Variants in OLA1 observed in about 807,000 individuals in gnomAD.
OLA1 encodes obg-like ATPase 1.
OLA1 carries 14 observed loss-of-function variants against 48.4 expected under a neutral mutation model. The ratio of observed to expected loss-of-function variants is 0.29; its 90% CI spans 0.19 to 0.45. The LOEUF (loss-of-function observed/expected upper bound fraction) is 0.45, where lower values mean the gene tolerates loss of function less well. OLA1 is among the 20% of genes least tolerant of loss of function. The pLI, the probability that OLA1 is intolerant of heterozygous loss-of-function variation, is 1.00. For synonymous variants in OLA1, 127 were observed against 150.4 expected (o/e 0.84, Z 1.14); for missense variants, 325 against 467.1 (o/e 0.70, Z 2.80).
At chr2:174,247,788 T>C (rs1193582547) in intron 1 of OLA1, 3 of 1,550,222 alleles carry the variant, frequency 1.9e-6, no homozygotes, top group Non-Finnish European at 2.6e-6. Flanking sequence ...AATGGTAAAT[T>C]AATCGACGGA....
At chr2:174,199,361 T>C (rs928697504) in intron 4 of OLA1, among the ~76,000 whole-genome samples, 4 of 152,152 alleles carry the variant, frequency 2.6e-5, no homozygotes, top group African/African-American at 4.8e-5. Flanking sequence ...CCCAATTCCC[T>C]GAATTACACA....
intron 2 of OLA1, among the ~76,000 whole-genome samples, chr2:174,236,378 T>C (rs1688851730): frequency 6.6e-6 from 1 of 151,978 alleles, no homozygotes; most frequent in Admixed American, 6.6e-5. Context: ...GATACAATAT[T>C]TGAAATAAAA....
intron 4 of OLA1, among the ~76,000 whole-genome samples, chr2:174,169,274 G>C (rs576169444): frequency 2.8e-3 from 420 of 152,138 alleles, no homozygotes; most frequent in Non-Finnish European, 4.6e-3. Flanking sequence ...AGTCCTAAAA[G>C]GAGAGGGGAA....
intron 7 of OLA1, among the ~76,000 whole-genome samples, chr2:174,085,321 C>T (rs761706356): frequency 1.1e-4 from 17 of 152,194 alleles, no homozygotes; most frequent in Non-Finnish European, 2.2e-4. Flanking sequence ...GAGTGGGGAA[C>T]GAGCATCACC....
intron 9 of OLA1, among the ~76,000 whole-genome samples, chr2:174,080,692 T>C (rs1486679224): frequency 6.6e-6 from 1 of 152,104 alleles, no homozygotes; most frequent in African/African-American, 2.4e-5. Flanking sequence ...AGCCCAACTG[T>C]GTATCTATGA....
intron 4 of OLA1, among the ~76,000 whole-genome samples, chr2:174,155,756 A>G (rs1172647461): frequency 6.6e-6 from 1 of 152,256 alleles, no homozygotes; most frequent in Non-Finnish European, 1.5e-5. Context: ...GAAAAAAGAC[A>G]GACCGAGAGA....
chr2:174,158,919 A>C (rs1686950509), intron 4 of OLA1, among the ~76,000 whole-genome samples: 2 of 152,144 alleles, frequency 1.3e-5, no homozygotes, highest in Admixed American at 6.5e-5. Context: ...ATTTCCATCT[A>C]ATCCCCCCAC....
At chr2:174,211,912 T>C (rs1448761295) in intron 4 of OLA1, among the ~76,000 whole-genome samples, 1 of 152,230 alleles carries the variant, frequency 6.6e-6, no homozygotes, top group African/African-American at 2.4e-5. Flanking sequence ...TTAACTTTTT[T>C]AATGTGGCTA....
chr2:174,082,878 A>G (rs1684888948), intron 7 of OLA1, among the ~76,000 whole-genome samples: 1 of 152,136 alleles, frequency 6.6e-6, no homozygotes, highest in East Asian at 1.9e-4. Context: ...GAATATATTA[A>G]TTAGGTTCAG....
chr2:174,156,070 G>A (rs1251802533), intron 4 of OLA1, among the ~76,000 whole-genome samples: 2 of 152,150 alleles, frequency 1.3e-5, no homozygotes, highest in South Asian at 2.1e-4. Flanking sequence ...GAGTGATAAT[G>A]TATGTAAACA....
intron 7 of OLA1, among the ~76,000 whole-genome samples, chr2:174,118,815 T>C (rs1685843597): frequency 6.6e-6 from 1 of 152,278 alleles, no homozygotes; most frequent in African/African-American, 2.4e-5. Flanking sequence ...ATAGAAATCA[T>C]TGGCTATAAA....
chr2:174,144,754 A>G (rs1249264538), intron 4 of OLA1, among the ~76,000 whole-genome samples: 1 of 150,866 alleles, frequency 6.6e-6, no homozygotes, highest in African/African-American at 2.4e-5. Flanking sequence ...GGAGTTTGAG[A>G]TCAGCCTAGG....
chr2:174,197,498 G>A (rs990469945), intron 4 of OLA1, among the ~76,000 whole-genome samples: 1 of 151,984 alleles, frequency 6.6e-6, no homozygotes, highest in South Asian at 2.1e-4. Context: ...CTGAAACATA[G>A]GTACTCGCTC....
chr2:174,090,100 C>G (rs1387591052), intron 7 of OLA1, among the ~76,000 whole-genome samples: 1 of 152,072 alleles, frequency 6.6e-6, no homozygotes, highest in Non-Finnish European at 1.5e-5. Context: ...ATGAGAACCT[C>G]ACAGAACTAC....
At chr2:174,129,432 T>A (rs1686124912) in intron 5 of OLA1, among the ~76,000 whole-genome samples, 1 of 151,162 alleles carries the variant, frequency 6.6e-6, no homozygotes, top group African/African-American at 2.4e-5. Context: ...CACTCCAGCC[T>A]GGGCAACACA....
intron 7 of OLA1, among the ~76,000 whole-genome samples, chr2:174,095,325 GTTTTTTTTTTTTTTTTT>G (rs1205716344): frequency 4.7e-4 from 37 of 77,998 alleles, no homozygotes; most frequent in African/African-American, 1.8e-3. Context: ...GTTATTTCCT[GTTTTTTTTTTTTTTTTT>G]TTTTTTTGTT....
At chr2:174,160,332 G>T (rs1274518872) in intron 4 of OLA1, among the ~76,000 whole-genome samples, 1 of 151,990 alleles carries the variant, frequency 6.6e-6, no homozygotes, top group South Asian at 2.1e-4. Context: ...GTTATTCAAC[G>T]TATAAACATT....
chr2:174,200,771 T>G (rs6715651), intron 4 of OLA1, among the ~76,000 whole-genome samples: 80,583 of 151,750 alleles, frequency 0.53, 21,956 homozygotes, highest in East Asian at 0.94. Context: ...TTTTTTTTAA[T>G]CCCATCCACA....
At chr2:174,164,353 C>CATTCTGCATAGTGCAGAATGGATACG (rs1687109998) in intron 4 of OLA1, among the ~76,000 whole-genome samples, 1 of 152,130 alleles carries the variant, frequency 6.6e-6, no homozygotes, top group Admixed American at 6.5e-5. Flanking sequence ...TACGCAATAC[C>CATTCTGCATAGTGCAGAATGGATACG]ATTCTGCATA....
Sources: allele counts gnomAD v4.1 joint callset (sites outside exome capture counted in the v4.1 genomes callset), GRCh38; gene constraint gnomAD v4.1.1; transcripts MANE v1.5; gene names NCBI Gene and HGNC (gene_info 2026-07-23, HGNC 2026-07-21).